GRM5: variants seen among roughly 807,000 people sequenced by gnomAD.
GRM5 encodes metabotropic glutamate receptor 5.
In GRM5, 19 loss-of-function variants were observed where a neutral mutation model predicts 83.1. That is an observed-to-expected ratio of 0.23 (90% CI 0.16 to 0.34). GRM5 has a LOEUF of 0.34. Among genes scored for constraint, GRM5 ranks in the 10% least tolerant of loss-of-function variants. GRM5 has a pLI of 1.00. For synonymous variants in GRM5, 675 were observed against 633.6 expected (o/e 1.07, Z -0.98); for missense variants, 1,160 against 1,588.3 (o/e 0.73, Z 4.58).
At chr11:88,806,025 A>G (rs935928378) in intron 3 of GRM5, among the ~76,000 whole-genome samples, 5 of 152,228 alleles carry the variant, frequency 3.3e-5, no homozygotes, top group African/African-American at 1.2e-4. Flanking sequence ...AAGGAAGATA[A>G]TAATTCAAAT....
At chr11:88,874,184 G>A (rs1180321754) in intron 2 of GRM5, among the ~76,000 whole-genome samples, 2 of 151,392 alleles carry the variant, frequency 1.3e-5, no homozygotes, top group African/African-American at 4.8e-5. Flanking sequence ...AAAAAAAAAG[G>A]AAGTACAAGG....
intron 3 of GRM5, among the ~76,000 whole-genome samples, chr11:88,692,548 TC>T (rs1366076962): frequency 1.3e-5 from 2 of 152,222 alleles, no homozygotes; most frequent in African/African-American, 4.8e-5. Context: ...ACTTAGTCTC[TC>T]ATCTGTAAAG....
chr11:88,686,556 C>T (rs1320546083), intron 3 of GRM5, among the ~76,000 whole-genome samples: 6 of 152,098 alleles, frequency 3.9e-5, no homozygotes, highest in Admixed American at 3.9e-4. Context: ...TATGGTTTGG[C>T]TCTGTGTCTC....
intron 2 of GRM5, among the ~76,000 whole-genome samples, chr11:89,013,423 T>C (rs999945340): frequency 6.6e-6 from 1 of 152,180 alleles, no homozygotes; most frequent in Non-Finnish European, 1.5e-5. Flanking sequence ...TCATTCTCCA[T>C]GTATGGCTTG....
chr11:88,840,999 A>T (rs1944189341), intron 3 of GRM5, among the ~76,000 whole-genome samples: 1 of 152,158 alleles, frequency 6.6e-6, no homozygotes, highest in Non-Finnish European at 1.5e-5. Flanking sequence ...CTGGTAGCTG[A>T]TGTTTATCTT....
chr11:88,987,236 G>C (rs1362287056), intron 2 of GRM5, among the ~76,000 whole-genome samples: 2 of 152,220 alleles, frequency 1.3e-5, no homozygotes, highest in East Asian at 3.9e-4. Flanking sequence ...CCTAGTCAAA[G>C]AAAGGGGTGA....
At position 89,047,013 on chromosome 11, in the gene GRM5, T is replaced by C. The variant is rs1941655471; in HGVS notation, c.661+199A>G. Among the ~76,000 whole-genome samples, 1 of 152,182 alleles carries C rather than the reference T, an allele frequency of 6.6e-6. No homozygotes were observed. The highest frequency in any genetic ancestry group is 6.5e-5 in the Admixed American group (1 of 15,276). ...AAACAAAATTATATTTCACCAAATA[T>C]TGGCCACATACACCCTTCTGTAGTT... On this transcript the variant is annotated intron_variant, in intron 2 of 9. Transcript: ENST00000305447. This position sits in a 1 kb window ranked among gnomAD's most constrained non-coding sequence, Gnocchi z 5.1.
chr11:88,685,979 G>C (rs1365226090), intron 3 of GRM5, among the ~76,000 whole-genome samples: 1 of 152,190 alleles, frequency 6.6e-6, no homozygotes. Flanking sequence ...CCTGACTGGG[G>C]CACCACCTAG....
chr11:88,596,509 C>A (rs1937809358), intron 6 of GRM5, among the ~76,000 whole-genome samples: 1 of 152,068 alleles, frequency 6.6e-6, no homozygotes, highest in African/African-American at 2.4e-5. Context: ...TTTATAATAA[C>A]CATTTAGAGC....
chr11:88,825,143 C>T (rs1004140007), intron 3 of GRM5, among the ~76,000 whole-genome samples: 3 of 151,688 alleles, frequency 2.0e-5, no homozygotes, highest in African/African-American at 7.3e-5. Flanking sequence ...ATTTTTATTA[C>T]CTATCTGATG....
In GRM5 at chr11:88,854,878, A is replaced by G. The variant is rs1170806720; in HGVS notation, c.662-4723T>C. 5.3e-5 allele frequency among the ~76,000 whole-genome samples: 8 copies of G among 152,020 alleles called. No homozygotes were observed. The East Asian group carries it at 1.5e-3, about 29-fold the overall frequency. On this transcript the variant is annotated intron_variant, in intron 2 of 9. Transcript: ENST00000305447. The stretch of plus-strand genomic sequence containing the variant: ...TGTATATTAAAAGGCACCAAATCAT[A>G]CTTTAGTAAGTAATTTGTAATCATA...
At chr11:88,830,855 G>T (rs185312162) in intron 3 of GRM5, among the ~76,000 whole-genome samples, 13 of 152,228 alleles carry the variant, frequency 8.5e-5, no homozygotes, top group African/African-American at 2.6e-4. Flanking sequence ...TCACAATCAC[G>T]AAGGTAGGCA....
intron 9 of GRM5, among the ~76,000 whole-genome samples, chr11:88,509,857 G>T (rs1450706750): frequency 6.6e-6 from 1 of 152,130 alleles, no homozygotes; most frequent in Non-Finnish European, 1.5e-5. Context: ...GCAGTGTCCC[G>T]GCTGTGTGCA....
rs184083390 is a variant in GRM5, at chr11:88,728,890, T to C, written c.912-75487A>G. Among the ~76,000 whole-genome samples, 833 of 152,236 alleles carry C rather than the reference T, an allele frequency of 5.5e-3. 4 individuals carry two copies. The highest frequency in any genetic ancestry group is 8.4e-3 in the Non-Finnish European group (571 of 68,028). On this transcript the variant is annotated intron_variant, in intron 3 of 9. Coordinates refer to ENST00000305447, the MANE Select transcript of GRM5 (RefSeq NM_001143831.3). ...GAACGTATCTCAAAATAATAAGTTATTTATGACAAACTCACAGCCAATATC... is the reference window on the plus strand; with the variant it reads ...GAACGTATCTCAAAATAATAAGTTACTTATGACAAACTCACAGCCAATATC...
intron 3 of GRM5, among the ~76,000 whole-genome samples, chr11:88,744,602 T>C (rs1942094638): frequency 6.6e-6 from 1 of 152,076 alleles, no homozygotes. Flanking sequence ...CAGGTGTCAC[T>C]GGTCTCAAGT....
At chr11:88,796,969 TC>T (rs1374663355) in intron 3 of GRM5, among the ~76,000 whole-genome samples, 1 of 151,004 alleles carries the variant, frequency 6.6e-6, no homozygotes, top group Non-Finnish European at 1.5e-5. Context: ...TTTATTACAC[TC>T]TTAGAACCTG....
intron 2 of GRM5, among the ~76,000 whole-genome samples, chr11:88,933,574 C>T (rs1937791277): frequency 6.6e-6 from 1 of 151,790 alleles, no homozygotes; most frequent in African/African-American, 2.4e-5. Context: ...TTTATCACTC[C>T]ATGTCACATA....
chr11:88,893,226 T>C (rs1212897372), intron 2 of GRM5, among the ~76,000 whole-genome samples: 1 of 151,762 alleles, frequency 6.6e-6, no homozygotes, highest in Non-Finnish European at 1.5e-5. Flanking sequence ...GGTTTGGTAA[T>C]GTCACACCCT....
intron 2 of GRM5, among the ~76,000 whole-genome samples, chr11:88,971,530 G>A (rs1175658643): frequency 3.9e-5 from 6 of 152,036 alleles, no homozygotes; most frequent in Non-Finnish European, 8.8e-5. Context: ...AGAACATGTG[G>A]CATTTAGTTT....
Sources: allele counts gnomAD v4.1 joint callset (sites outside exome capture counted in the v4.1 genomes callset), GRCh38; gene constraint gnomAD v4.1.1; non-coding constraint Gnocchi (gnomAD v3.1); transcripts MANE v1.5; gene names NCBI Gene and HGNC (gene_info 2026-07-23, HGNC 2026-07-21).